The following C7orf78 variants were observed in gnomAD, a reference collection of about 807,000 sequenced individuals.
C7orf78 encodes the protein chromosome 7 open reading frame 78, also known as putative uncharacterized protein C7orf78.
the C7orf78 span, among the ~76,000 whole-genome samples, chr7:12,487,650 C>T: frequency 0.22 from 34,033 of 151,884 alleles, 4,799 homozygotes; most frequent in East Asian, 0.52. Flanking sequence ...TTAATTTGGA[C>T]CAATAAAGGA....
At chr7:12,531,525 G>T in the C7orf78 span, among the ~76,000 whole-genome samples, 1 of 152,086 alleles carries the variant, frequency 6.6e-6, no homozygotes, top group African/African-American at 2.4e-5. Context: ...GGTTTTTGGA[G>T]AATTAAATAA....
the C7orf78 span, among the ~76,000 whole-genome samples, chr7:12,501,563 T>G: frequency 1.5e-5 from 2 of 137,910 alleles, no homozygotes; most frequent in Non-Finnish European, 3.1e-5. Context: ...TACAAACCAC[T>G]GCTCAAGGAA....
the C7orf78 span, among the ~76,000 whole-genome samples, chr7:12,488,934 T>G: frequency 2.0e-5 from 3 of 151,052 alleles, no homozygotes; most frequent in Non-Finnish European, 3.0e-5. Flanking sequence ...TTTGGTTTTT[T>G]GCTTTGGCTA....
At chr7:12,484,379 C>G in the C7orf78 span, among the ~76,000 whole-genome samples, 4 of 152,142 alleles carry the variant, frequency 2.6e-5, no homozygotes, top group Non-Finnish European at 2.9e-5. Context: ...CTGTCATGTA[C>G]TTTCTGATTA....
At chr7:12,493,669 T>G in the C7orf78 span, among the ~76,000 whole-genome samples, 1 of 152,236 alleles carries the variant, frequency 6.6e-6, no homozygotes, top group African/African-American at 2.4e-5. Context: ...CTGACCCAGC[T>G]GCTTATTAGA....
At chr7:12,515,888 G>A in the C7orf78 span, among the ~76,000 whole-genome samples, 490 of 152,324 alleles carry the variant, frequency 3.2e-3, 3 homozygotes, top group African/African-American at 0.01. Context: ...ATGTGACTTC[G>A]ATGCTGTTAA....
the C7orf78 span, among the ~76,000 whole-genome samples, chr7:12,499,119 A>G: frequency 5.3e-5 from 8 of 152,328 alleles, no homozygotes; most frequent in Admixed American, 1.3e-4. Context: ...GGTACCAGCC[A>G]CTGCAAAATC....
At chr7:12,528,483 T>C in the C7orf78 span, among the ~76,000 whole-genome samples, 1 of 147,422 alleles carries the variant, frequency 6.8e-6, no homozygotes, top group African/African-American at 2.5e-5. Flanking sequence ...TGGTAGAAAA[T>C]GCCATCTAGC....
chr7:12,501,652 C>G, the C7orf78 span, among the ~76,000 whole-genome samples: 1 of 136,242 alleles, frequency 7.3e-6, no homozygotes, highest in South Asian at 2.7e-4. Flanking sequence ...AATGGCCATA[C>G]TGCCCAAGGT....
the C7orf78 span, among the ~76,000 whole-genome samples, chr7:12,486,515 G>A: frequency 1.3e-5 from 2 of 151,844 alleles, no homozygotes; most frequent in African/African-American, 4.8e-5. Context: ...TAATCTCCTA[G>A]ACAATGTATT....
the C7orf78 span, among the ~76,000 whole-genome samples, chr7:12,519,603 G>A: frequency 1.3e-5 from 2 of 152,178 alleles, no homozygotes; most frequent in Non-Finnish European, 2.9e-5. Flanking sequence ...ACAGTTAGAG[G>A]TGGAGTCACT....
At chr7:12,532,408 G>T in the C7orf78 span, among the ~76,000 whole-genome samples, 2 of 152,066 alleles carry the variant, frequency 1.3e-5, no homozygotes, top group African/African-American at 2.4e-5. Context: ...AATTAGCTGG[G>T]TGTAATGGTG....
chr7:12,534,852 G>C, the C7orf78 span, among the ~76,000 whole-genome samples: 2 of 152,072 alleles, frequency 1.3e-5, no homozygotes, highest in Non-Finnish European at 2.9e-5. Flanking sequence ...TACACTAGAG[G>C]CTGAGGCGGG....
the C7orf78 span, among the ~76,000 whole-genome samples, chr7:12,532,030 G>T: frequency 2.0e-4 from 30 of 152,238 alleles, no homozygotes; most frequent in East Asian, 4.3e-3. Flanking sequence ...TTATGCAAAT[G>T]GACTCTCCAC....
At chr7:12,491,733 A>C in the C7orf78 span, 1 of 152,226 alleles carries the variant, frequency 6.6e-6, no homozygotes, top group Non-Finnish European at 1.5e-5. Context: ...CATCGGATGC[A>C]ACATGGATCT....
the C7orf78 span, among the ~76,000 whole-genome samples, chr7:12,518,624 T>C: frequency 2.6e-5 from 4 of 151,864 alleles, no homozygotes; most frequent in Admixed American, 2.6e-4. Flanking sequence ...ATAAAATAGA[T>C]GGTATAGGTG....
chr7:12,522,945 T>C, the C7orf78 span: 9 of 397,956 alleles, frequency 2.3e-5, no homozygotes, highest in Non-Finnish European at 3.1e-5. Flanking sequence ...AGTGACAAGC[T>C]TCACCTATTT....
the C7orf78 span, among the ~76,000 whole-genome samples, chr7:12,512,070 T>C: frequency 1.3e-4 from 19 of 151,998 alleles, no homozygotes; most frequent in Admixed American, 2.6e-4. Flanking sequence ...CCACCACGCC[T>C]GGCCTGAATT....
chr7:12,508,444 G>C, the C7orf78 span, among the ~76,000 whole-genome samples: 1 of 152,044 alleles, frequency 6.6e-6, no homozygotes, highest in African/African-American at 2.4e-5. Context: ...ATGAGAAAAT[G>C]CTATGTAAGG....
Sources: gnomAD v4.1 joint callset for allele counts (sites outside exome capture counted in the v4.1 genomes callset) on GRCh38, gnomAD v4.1.1 for gene constraint, MANE v1.5 for transcripts, NCBI Gene and HGNC (gene_info 2026-07-23, HGNC 2026-07-21) for gene names.